WWC1: variants seen among roughly 807,000 people sequenced by gnomAD.
WWC1 encodes the protein protein KIBRA.
In WWC1, 55 loss-of-function variants were observed where a neutral mutation model predicts 138.4. The ratio of observed to expected loss-of-function variants is 0.40; its 90% CI spans 0.32 to 0.50. The LOEUF is 0.50. Ranked by LOEUF, WWC1 falls within the 20% of genes least tolerant of loss-of-function variation. The pLI, the probability that WWC1 is intolerant of heterozygous loss-of-function variation, is 0.72. For missense variants in WWC1, 1,226 were observed against 1,420.4 expected (o/e 0.86, Z 2.20); for synonymous variants, 524 against 564.9 (o/e 0.93, Z 1.03).
At chr5:168,431,753 A>C (rs773050609) in intron 15 of WWC1, among the ~76,000 whole-genome samples, 1 of 152,138 alleles carries the variant, frequency 6.6e-6, no homozygotes, top group African/African-American at 2.4e-5. Context: ...CAGCTTTACT[A>C]TACAGCATGA....
At chr5:168,391,760 CAT>C (rs70976481) in intron 3 of WWC1, among the ~76,000 whole-genome samples, 8,171 of 110,306 alleles carry the variant, frequency 0.074, 407 homozygotes, top group Admixed American at 0.19. Context: ...ATTTTTAAGG[CAT>C]ATATATATAT....
intron 3 of WWC1, among the ~76,000 whole-genome samples, chr5:168,389,597 G>GTTTTTTTTT (rs55873477): frequency 7.7e-6 from 1 of 129,334 alleles, no homozygotes; most frequent in Non-Finnish European, 1.6e-5. Context: ...TTGAATTTTT[G>GTTTTTTTTT]TTTTTTTTTT....
chr5:168,376,890 CA>C (rs1777217643), intron 2 of WWC1, among the ~76,000 whole-genome samples: 1 of 152,178 alleles, frequency 6.6e-6, no homozygotes, highest in Non-Finnish European at 1.5e-5. Flanking sequence ...CTATTCATAT[CA>C]AACTACCAGC....
In WWC1 at chr5:168,310,478, T is replaced by C. The variant is rs533245541; in HGVS notation, c.119+18207T>C. Among the ~76,000 whole-genome samples, 17 of 151,756 alleles carry C rather than the reference T, an allele frequency of 1.1e-4. No homozygotes were observed. The South Asian group carries it at 2.9e-3, about 26-fold the overall frequency. On this transcript the variant is annotated intron_variant, in intron 1 of 22. Transcript: ENST00000265293. ...TATCCAAAGATATAGAAATTGTACA[T>C]ATAATGTATATCATTTATAGATATA...
intron 8 of WWC1, among the ~76,000 whole-genome samples, chr5:168,411,103 T>G (rs1257029855): frequency 6.6e-6 from 1 of 151,928 alleles, no homozygotes; most frequent in African/African-American, 2.4e-5. Flanking sequence ...TTTTTTTGTA[T>G]TTTTTAGTAG....
intron 1 of WWC1, among the ~76,000 whole-genome samples, chr5:168,362,986 A>T (rs1775991412): frequency 6.6e-6 from 1 of 152,174 alleles, no homozygotes; most frequent in Non-Finnish European, 1.5e-5. Context: ...GGGAATAACT[A>T]GGCCAAGAAA....
intron 21 of WWC1, 124 bp from the exon 22 acceptor site, chr5:168,467,716 C>T: frequency 2.9e-6 from 4 of 1,371,190 alleles, no homozygotes; most frequent in Non-Finnish European, 3.9e-6. Context: ...TGAAGTGGAT[C>T]CCACATGGAG....
chr5:168,439,630 C>CAAAAA (rs59747531), intron 15 of WWC1, among the ~76,000 whole-genome samples: 1 of 120,914 alleles, frequency 8.3e-6, no homozygotes, highest in Non-Finnish European at 1.8e-5. Flanking sequence ...AACTCTGTCT[C>CAAAAA]AAAAAAAAAA....
intron 1 of WWC1, among the ~76,000 whole-genome samples, chr5:168,370,116 C>G (rs1295827023): frequency 1.3e-5 from 2 of 151,890 alleles, no homozygotes; most frequent in Non-Finnish European, 2.9e-5. Flanking sequence ...GCAGGCTGGT[C>G]TCAAACTCCT....
At chr5:168,418,861 A>G (rs1335377013) in intron 9 of WWC1, among the ~76,000 whole-genome samples, 1 of 152,018 alleles carries the variant, frequency 6.6e-6, no homozygotes, top group Admixed American at 6.6e-5. Flanking sequence ...AAAGTCAAGG[A>G]TTTTGTTTAT....
chr5:168,411,007 G>C lies in WWC1; in HGVS notation c.941+1012G>C, dbSNP rs137958941. Among the ~76,000 whole-genome samples, 1,225 of 139,616 alleles carry C rather than the reference G, an allele frequency of 8.8e-3. 18 individuals are homozygous for C. The highest frequency in any genetic ancestry group is 0.03 in the African/African-American group (1,115 of 36,748). The allele number at this position is 139,616 out of a possible 152,430, so 91.6% of individuals were successfully genotyped here. On this transcript the variant is annotated intron_variant, in intron 8 of 22. Coordinates refer to ENST00000265293, the MANE Select transcript of WWC1 (RefSeq NM_015238.3). ...TGGAGTGCAGTGGCGCGATCTGCAAGCTCCGCCTCCCGGGTTCACGCCATT... is the reference window on the plus strand; with the variant it reads ...TGGAGTGCAGTGGCGCGATCTGCAACCTCCGCCTCCCGGGTTCACGCCATT...
intron 14 of WWC1, 33 bp from the exon 15 acceptor site, chr5:168,431,219 C>T (rs1781908485): frequency 6.3e-7 from 1 of 1,581,798 alleles, no homozygotes; most frequent in Non-Finnish European, 8.6e-7. Context: ...CATGGGCTGA[C>T]CCAAGATTTC....
Position 168,414,498 on chromosome 5 carries a change from G to T in WWC1, c.1092G>T (p.Gln364His). The T allele has an allele frequency of 6.4e-7, 1 of 1,559,244 alleles. No individual in the cohort carries two copies. Among genetic ancestry groups the T allele is most frequent in the Non-Finnish European group, 8.7e-7 (1 of 1,150,988 alleles). ...TCATCAGCCCCCGCAAGTGGACCCA[G>T]GGGGAGGTGGAGCAGCTGGAGATGG... Reference protein sequence around the residue: ...MRFISPRKWTQGEVEQLEMAR... With the variant: ...MRFISPRKWTHGEVEQLEMAR... The change falls in exon 9 of 23, where the codon CAG (glutamine) becomes CAT (histidine). Residue 364 changes from glutamine to histidine, a missense_variant. Physicochemically the swap from Gln to His is conservative, Grantham distance 24. Coordinates refer to ENST00000265293, the MANE Select transcript of WWC1 (RefSeq NM_015238.3).
intron 6 of WWC1, among the ~76,000 whole-genome samples, chr5:168,406,819 G>A (rs1292102792): frequency 1.3e-5 from 2 of 152,092 alleles, no homozygotes; most frequent in East Asian, 3.9e-4. Flanking sequence ...GCGGGCGCCT[G>A]TAGTCCCAGC....
chr5:168,323,973 C>T (rs12332733), intron 1 of WWC1, among the ~76,000 whole-genome samples: 9,301 of 152,214 alleles, frequency 0.061, 955 homozygotes, highest in African/African-American at 0.21. Context: ...CAAAACATAA[C>T]TGAATGACAT....
In WWC1 at chr5:168,453,978, G is replaced by A. The variant is rs1018392309; in HGVS notation, c.2536G>A (p.Glu846Lys). The A allele has an allele frequency of 5.0e-6, 8 of 1,612,792 alleles. No homozygotes were observed. Among genetic ancestry groups the A allele is most frequent in the Non-Finnish European group, 6.8e-6 (8 of 1,179,974 alleles). Reference protein sequence around the residue: ...QTLEDSWRYEETSENEAVAEE... With the variant: ...QTLEDSWRYEKTSENEAVAEE... ...GCTTTGTCATCACAGGAGGTATGAG[G>A]AGACCAGTGAGAATGAGGCAGTAGC... Residue 846 changes from glutamate to lysine, a missense_variant, in exon 18 of 23, where the codon GAG becomes AAG. This residue lies in a region of WWC1 where 1,016 missense variants were observed against 1,153.9 expected (regional missense o/e 0.88). Transcript: ENST00000265293.
chr5:168,315,896 C>T (rs572941128), intron 1 of WWC1, among the ~76,000 whole-genome samples: 37 of 152,282 alleles, frequency 2.4e-4, no homozygotes, highest in African/African-American at 8.7e-4. Flanking sequence ...GCACAGCCCA[C>T]CTGTTTGGGA....
chr5:168,411,465 G>C (rs1254299280), intron 8 of WWC1, among the ~76,000 whole-genome samples: 1 of 151,952 alleles, frequency 6.6e-6, no homozygotes, highest in Non-Finnish European at 1.5e-5. Context: ...ATAGAAACCA[G>C]AGAAAGCAAA....
At chr5:168,305,014 A>G (rs1007938549) in intron 1 of WWC1, among the ~76,000 whole-genome samples, 3 of 151,938 alleles carry the variant, frequency 2.0e-5, no homozygotes, top group Non-Finnish European at 2.9e-5. Context: ...TAGTAGAGAC[A>G]GGGTTTCTCC....
Sources: gnomAD v4.1 joint callset for allele counts (sites outside exome capture counted in the v4.1 genomes callset) on GRCh38, gnomAD v4.1.1 for gene constraint, gnomAD v4.1.1 regional missense constraint, MANE v1.5 for transcripts, NCBI Gene and HGNC (gene_info 2026-07-23, HGNC 2026-07-21) for gene names.